RAPGEF1: variants seen among roughly 807,000 people sequenced by gnomAD.
The protein encoded by RAPGEF1 is Rap guanine nucleotide exchange factor 1.
In RAPGEF1, 33 loss-of-function variants were observed where a neutral mutation model predicts 143.3. That is an observed-to-expected ratio of 0.23 (90% CI 0.17 to 0.31). The LOEUF (loss-of-function observed/expected upper bound fraction) is 0.31. Among genes scored for constraint, RAPGEF1 ranks in the 10% least tolerant of loss-of-function variants. The probability of loss-of-function intolerance (pLI) is 1.00; values close to 1 mark genes in which losing one functional copy is unlikely to be tolerated. For missense variants in RAPGEF1, 1,199 were observed against 1,645.4 expected (o/e 0.73, Z 4.69); for synonymous variants, 629 against 676.5 (o/e 0.93, Z 1.09).
At position 131,586,395 on chromosome 9, in the gene RAPGEF1, G is replaced by A. The variant is rs201694045; in HGVS notation, c.3233+1341C>T. 8.9e-5 allele frequency among the ~76,000 whole-genome samples: 3 copies of A among 33,538 alleles called. No homozygotes were observed. The East Asian group carries it at 2.7e-3, about 30-fold the overall frequency. 22.0% of individuals were successfully genotyped at this position (33,538 alleles called of 152,430 possible). On this transcript the variant is annotated intron_variant, in intron 22 of 26. Transcript: ENST00000683357. ...ACACCCACCTGCAGAGCGAGACTCC[G>A]TCTCAAACACACACACACACACACC...
intron 1 of RAPGEF1, among the ~76,000 whole-genome samples, chr9:131,664,848 G>C (rs1364515045): frequency 1.3e-5 from 2 of 152,080 alleles, no homozygotes; most frequent in African/African-American, 4.8e-5. Context: ...GATTTTTTCT[G>C]AATTTGTAAA....
At chr9:131,739,220 C>G (rs933932758) in intron 1 of RAPGEF1, among the ~76,000 whole-genome samples, 1 of 152,214 alleles carries the variant, frequency 6.6e-6, no homozygotes, top group African/African-American at 2.4e-5. Context: ...ACCTGCCCTC[C>G]TTGCAGAGCT....
intron 5 of RAPGEF1, among the ~76,000 whole-genome samples, chr9:131,631,945 A>G (rs1964999734): frequency 6.6e-6 from 1 of 152,232 alleles, no homozygotes; most frequent in Non-Finnish European, 1.5e-5. Context: ...ATGACTTATC[A>G]GTATATATCA....
rs1951521291 is a variant in RAPGEF1, at chr9:131,579,446, G to A, written c.*51C>T. 1 of 1,598,678 alleles carries A rather than the reference G, an allele frequency of 6.3e-7. No homozygotes were observed. Among genetic ancestry groups the A allele is most frequent in the African/African-American group, 1.3e-5 (1 of 74,388 alleles). On this transcript the variant is annotated 3_prime_UTR_variant, in exon 27 of 27. Transcript: ENST00000683357. ...AGGTCCAAGGTCCTCTCCGGTCTGGGAGCTGCCCTCTGCGCCCCTCGAGCA... is the reference window on the plus strand; with the variant it reads ...AGGTCCAAGGTCCTCTCCGGTCTGGAAGCTGCCCTCTGCGCCCCTCGAGCA...
intron 12 of RAPGEF1, among the ~76,000 whole-genome samples, chr9:131,608,721 C>T (rs1220926723): frequency 2.0e-5 from 3 of 152,196 alleles, no homozygotes; most frequent in Non-Finnish European, 4.4e-5. Flanking sequence ...CAGGGAAAAC[C>T]TTCTGATCAC....
intron 4 of RAPGEF1, among the ~76,000 whole-genome samples, chr9:131,639,437 A>AGTGTGTGTGTGTGTGTGTGTGTGTGTGT (rs3837234): frequency 6.7e-6 from 1 of 149,074 alleles, no homozygotes; most frequent in African/African-American, 2.5e-5. Flanking sequence ...AACGCAGGTG[A>AGTGTGTGTGTGTGTGTGTGTGTGTGTGT]GTGTGTGTGT....
At position 131,621,680 on chromosome 9, in the gene RAPGEF1, C is replaced by T; in HGVS notation, c.1905+116G>A. 1.8e-6 allele frequency: 2 copies of T among 1,115,832 alleles called. No homozygotes were observed. Among genetic ancestry groups the T allele is most frequent in the South Asian group, 1.5e-5 (1 of 68,618 alleles). The allele number at this position is 1,115,832 out of a possible 1,614,324, so 69.1% of individuals were successfully genotyped here. On this transcript the variant is annotated intron_variant, in intron 11 of 26. Coordinates refer to ENST00000683357, the MANE Select transcript of RAPGEF1 (RefSeq NM_001377935.1). The surrounding 1 kb of genome is among the most constrained non-coding windows in gnomAD (Gnocchi z 4.5). The stretch of plus-strand genomic sequence containing the variant: ...GAGATGGTGCCTTCCACGCCCAAAA[C>T]CAGGGCCCTGCCACAGCAGGGAGGA...
intron 1 of RAPGEF1, chr9:131,725,516 C>G (rs1260667303): frequency 6.6e-6 from 1 of 151,924 alleles, no homozygotes; most frequent in Non-Finnish European, 1.5e-5. Flanking sequence ...CAGAGCGCAG[C>G]AGCGCTATCA....
At chr9:131,601,592 G>A (rs1956285757) in intron 15 of RAPGEF1, among the ~76,000 whole-genome samples, 1 of 152,196 alleles carries the variant, frequency 6.6e-6, no homozygotes, top group Non-Finnish European at 1.5e-5. Flanking sequence ...TCCTGAGCTT[G>A]TATTATTTGA....
At chr9:131,638,556 C>T in intron 5 of RAPGEF1, 79 bp downstream of exon 5, 3 of 1,520,522 alleles carry the variant, frequency 2.0e-6, no homozygotes, top group Non-Finnish European at 2.7e-6. Context: ...AGGTCAGGAG[C>T]AAGCTCTTAT....
intron 1 of RAPGEF1, among the ~76,000 whole-genome samples, chr9:131,659,703 T>C (rs1368343779): frequency 6.6e-6 from 1 of 152,210 alleles, no homozygotes; most frequent in Non-Finnish European, 1.5e-5. Context: ...AGCAAATACT[T>C]AATACATGGC....
chr9:131,711,126 C>T, intron 1 of RAPGEF1, among the ~76,000 whole-genome samples: 1 of 151,252 alleles, frequency 6.6e-6, no homozygotes, highest in East Asian at 2.0e-4. Flanking sequence ...TCATGGCTCA[C>T]TGCAACCTCA....
chr9:131,732,091 C>T (rs1378958817), intron 1 of RAPGEF1, among the ~76,000 whole-genome samples: 1 of 152,178 alleles, frequency 6.6e-6, no homozygotes, highest in African/African-American at 2.4e-5. Flanking sequence ...GAAAATACTG[C>T]CCATGCCTCT....
chr9:131,722,897 A>AC (rs1836368822), intron 1 of RAPGEF1, among the ~76,000 whole-genome samples: 1 of 152,024 alleles, frequency 6.6e-6, no homozygotes, highest in Admixed American at 6.6e-5. Context: ...AAACAAACAA[A>AC]AACAACGGGG....
chr9:131,660,309 T>G (rs1354365554), intron 1 of RAPGEF1, among the ~76,000 whole-genome samples: 1 of 152,240 alleles, frequency 6.6e-6, no homozygotes, highest in African/African-American at 2.4e-5. Context: ...ACACTGCTAA[T>G]GGGAATATTA....
In RAPGEF1 at chr9:131,577,912, T is replaced by G. The variant is rs1461862142; in HGVS notation, c.*1585A>C. 6.6e-6 allele frequency: 1 copy of G among 152,198 alleles called. No individual in the cohort carries two copies. Among genetic ancestry groups the G allele is most frequent in the Non-Finnish European group, 1.5e-5 (1 of 68,042 alleles). 9.4% of individuals were successfully genotyped at this position (152,198 alleles called of 1,614,324 possible). ...GGGGAAAAAGCCCACATTTTCTTCTTGATAAATGCTGTTCAAAAACCCATG... is the reference window on the plus strand; with the variant it reads ...GGGGAAAAAGCCCACATTTTCTTCTGGATAAATGCTGTTCAAAAACCCATG... On this transcript the variant is annotated 3_prime_UTR_variant, in exon 27 of 27. Coordinates refer to ENST00000683357, the MANE Select transcript of RAPGEF1 (RefSeq NM_001377935.1).
At chr9:131,721,843 A>C (rs1243395942) in intron 1 of RAPGEF1, among the ~76,000 whole-genome samples, 1 of 152,214 alleles carries the variant, frequency 6.6e-6, no homozygotes, top group Admixed American at 6.5e-5. Context: ...TAATCTAGAG[A>C]TAATTTAAAG....
At chr9:131,635,471 C>T (rs764775042) in intron 5 of RAPGEF1, among the ~76,000 whole-genome samples, 34 of 152,012 alleles carry the variant, frequency 2.2e-4, no homozygotes, top group Non-Finnish European at 4.4e-4. Flanking sequence ...ACGTAAACAA[C>T]GGTGAGTCAG....
At chr9:131,731,122 G>C (rs1277174646) in intron 1 of RAPGEF1, among the ~76,000 whole-genome samples, 1 of 152,112 alleles carries the variant, frequency 6.6e-6, no homozygotes, top group African/African-American at 2.4e-5. Flanking sequence ...AACTCTTTCA[G>C]GTCTCAAAGA....
Sources: allele counts gnomAD v4.1 joint callset (sites outside exome capture counted in the v4.1 genomes callset), GRCh38; gene constraint gnomAD v4.1.1; non-coding constraint Gnocchi (gnomAD v3.1); transcripts MANE v1.5; gene names NCBI Gene and HGNC (gene_info 2026-07-23, HGNC 2026-07-21).